Variants in CHD1 observed in about 807,000 individuals in gnomAD.
CHD1 encodes chromodomain helicase DNA binding protein 1, also known as ATP-dependent chromatin remodeler CHD1.
CHD1 carries 36 observed loss-of-function variants against 224.2 expected under a neutral mutation model. That is an observed-to-expected ratio of 0.16 (90% CI 0.12 to 0.21). The LOEUF (loss-of-function observed/expected upper bound fraction) is 0.21. Ranked by LOEUF, CHD1 falls within the 10% of genes least tolerant of loss-of-function variation. CHD1 has a pLI of 1.00. For missense variants in CHD1, 1,378 were observed against 1,994.8 expected (o/e 0.69, Z 5.89); for synonymous variants, 668 against 658.3 (o/e 1.01, Z -0.23).
At chr5:98,917,793 C>T (rs926217301) in intron 2 of CHD1, among the ~76,000 whole-genome samples, 3 of 152,146 alleles carry the variant, frequency 2.0e-5, no homozygotes, top group African/African-American at 7.2e-5. Context: ...ACCAAAGAAA[C>T]TTCTGAGTGC....
chr5:98,923,356 GCAAT>G (rs1291852809), intron 2 of CHD1, among the ~76,000 whole-genome samples: 1 of 151,800 alleles, frequency 6.6e-6, no homozygotes, highest in East Asian at 1.9e-4. Flanking sequence ...AATATGCTTT[GCAAT>G]TATTTAAGAT....
intron 1 of CHD1, among the ~76,000 whole-genome samples, 190 bp downstream of exon 1, chr5:98,928,349 C>G (rs1011707912): frequency 2.0e-5 from 3 of 152,090 alleles, no homozygotes; most frequent in African/African-American, 7.2e-5. Flanking sequence ...TCTGCGGCCC[C>G]GGCCTGTACT....
chr5:98,868,031 C>T lies in CHD1; in HGVS notation c.4248+464G>A, dbSNP rs997614300. Among the ~76,000 whole-genome samples the T allele has an allele frequency of 7.2e-5, 11 of 151,962 alleles. No individual in the cohort carries two copies. In the East Asian group the frequency reaches 2.1e-3, roughly 29 times the overall value. ...GGCCAGGTTGATCTCAAACTCCTAA[C>T]CTCAGGTGATCCACTGCCTCGGCCT... is the stretch of plus-strand genomic sequence containing the variant. On this transcript the variant is annotated intron_variant, in intron 31 of 35. Transcript: ENST00000614616.
At chr5:98,927,491 A>G (rs780349481) in intron 1 of CHD1, among the ~76,000 whole-genome samples, 3 of 152,210 alleles carry the variant, frequency 2.0e-5, no homozygotes, top group Non-Finnish European at 2.9e-5. Flanking sequence ...GGAGGGAAAC[A>G]GATTGTTACC....
chr5:98,869,840 C>T lies in CHD1; in HGVS notation c.4021G>A (p.Ala1341Thr). The T allele has an allele frequency of 6.2e-7, 1 of 1,608,358 alleles. No homozygotes were observed. The highest frequency in any genetic ancestry group is 1.7e-5 in the Admixed American group (1 of 59,944). The change falls in exon 30 of 36, where the codon GCA (alanine) becomes ACA (threonine). Residue 1341 changes from alanine to threonine, a missense_variant. Transcript: ENST00000614616. Reference protein sequence around the residue: ...RRKARAKKNKAMKSIKVKEEI... With the variant: ...RRKARAKKNKTMKSIKVKEEI... Reference sequence around the variant, plus strand: ...TCTTTCACTTTTATAGACTTCATTGCTTTATTCTTCTTAGCTCTTGCTTTT... The same window carrying T: ...TCTTTCACTTTTATAGACTTCATTGTTTTATTCTTCTTAGCTCTTGCTTTT...
chr5:98,899,781 AAT>A, intron 7 of CHD1, 76 bp from the exon 8 acceptor site: 1 of 981,988 alleles, frequency 1.0e-6, no homozygotes, highest in South Asian at 1.5e-5. Flanking sequence ...AAATTTCAAT[AAT>A]ATGAGTACAA....
chr5:98,871,267 A>G (rs1025277875), intron 28 of CHD1, among the ~76,000 whole-genome samples: 1 of 149,188 alleles, frequency 6.7e-6, no homozygotes, highest in African/African-American at 2.5e-5. Flanking sequence ...AGACTACTTA[A>G]TTTTTTCTTC....
rs1335599874 is a variant in CHD1, at chr5:98,881,130, A to G, written c.3006T>C (p.His1002=). ...IDEILKRAET[H]ENEPGPLTVG... is the part of the protein sequence containing the mutation. ...CAGTTAAAGGACCTGGTTCATTTTC[A>G]TGAGTTTCAGCTCTCTTCAAGATTT... The change falls in exon 22 of 36, where the codon CAT becomes CAC. Residue 1002 remains histidine (H), a synonymous_variant. Coordinates refer to ENST00000614616, the MANE Select transcript of CHD1 (RefSeq NM_001270.4). The G allele has an allele frequency of 1.2e-6, 2 of 1,611,244 alleles. No individual in the cohort carries two copies. Among genetic ancestry groups the G allele is most frequent in the African/African-American group, 2.7e-5 (2 of 74,834 alleles).
At chr5:98,924,172 G>A (rs1753293989) in intron 2 of CHD1, among the ~76,000 whole-genome samples, 1 of 152,102 alleles carries the variant, frequency 6.6e-6, no homozygotes, top group Non-Finnish European at 1.5e-5. Context: ...TTGAGCCCAG[G>A]AGGTGGAGGC....
At chr5:98,919,930 C>G (rs1281902559) in intron 2 of CHD1, among the ~76,000 whole-genome samples, 1 of 152,068 alleles carries the variant, frequency 6.6e-6, no homozygotes, top group Non-Finnish European at 1.5e-5. Context: ...AAAATGGAAC[C>G]AAGGCTCCTT....
chr5:98,869,992 T>TATTGGTAATAAGG, intron 29 of CHD1, 110 bp from the exon 30 acceptor site: 1 of 742,748 alleles, frequency 1.3e-6, no homozygotes, highest in Non-Finnish European at 2.2e-6. Context: ...ATCCTTAGTC[T>TATTGGTAATAAGG]ATTGGTAATA....
rs1172382887 is a variant in CHD1, at chr5:98,928,563, A to C, written c.-173T>G. On this transcript the variant is annotated 5_prime_UTR_variant, in exon 1 of 36. Coordinates refer to ENST00000614616, the MANE Select transcript of CHD1 (RefSeq NM_001270.4). ...CCGGCGGGCTTGGCGGGGCGGAGGGAGCCGACTCGGGTGGACGGCCTCCCC... is the reference window on the plus strand; with the variant it reads ...CCGGCGGGCTTGGCGGGGCGGAGGGCGCCGACTCGGGTGGACGGCCTCCCC... The C allele has an allele frequency of 1.3e-5, 2 of 150,622 alleles. No individual in the cohort carries two copies. Among genetic ancestry groups the C allele is most frequent in the African/African-American group, 4.9e-5 (2 of 40,792 alleles). 9.3% of individuals were successfully genotyped at this position (150,622 alleles called of 1,614,324 possible).
chr5:98,900,590 C>T (rs1290088045), intron 7 of CHD1, among the ~76,000 whole-genome samples: 1 of 151,844 alleles, frequency 6.6e-6, no homozygotes, highest in Non-Finnish European at 1.5e-5. Flanking sequence ...CAGGTGCGCA[C>T]CACCTCACCT....
At chr5:98,904,719 T>C (rs760462602) in intron 3 of CHD1, among the ~76,000 whole-genome samples, 178 bp downstream of exon 3, 1 of 152,234 alleles carries the variant, frequency 6.6e-6, no homozygotes, top group Non-Finnish European at 1.5e-5. Flanking sequence ...AATGCATCTA[T>C]TCCAAGCCAA....
chr5:98,868,854 G>C, intron 30 of CHD1: 3 of 565,180 alleles, frequency 5.3e-6, no homozygotes, highest in Non-Finnish European at 8.2e-6. Flanking sequence ...AAGCATTAAA[G>C]AGTGTTCAGA....
intron 13 of CHD1, 28 bp downstream of exon 13, chr5:98,894,569 C>T (rs1458354761): frequency 2.2e-6 from 2 of 928,502 alleles, no homozygotes; most frequent in Non-Finnish European, 3.2e-6. Flanking sequence ...ATACAAGAGA[C>T]CAAAACACGT....
intron 2 of CHD1, among the ~76,000 whole-genome samples, chr5:98,906,986 T>C (rs984823249): frequency 6.6e-6 from 1 of 152,220 alleles, no homozygotes; most frequent in African/African-American, 2.4e-5. Context: ...AATAAATATG[T>C]GAACAGTAGA....
rs143873457 is a variant in CHD1, at chr5:98,915,478, A to G, written c.54-10380T>C. Among the ~76,000 whole-genome samples, 228 of 152,354 alleles carry G rather than the reference A, an allele frequency of 1.5e-3. 2 individuals are homozygous for G. The highest frequency in any genetic ancestry group is 6.8e-3 in the Middle Eastern group (2 of 294). On this transcript the variant is annotated intron_variant, in intron 2 of 35. Transcript: ENST00000614616. Reference sequence around the variant, plus strand: ...TTGTGTTGAACCCAGGATAAACTCAAAAGTAAATATTTTCTAGTAAGCAGA... The same window carrying G: ...TTGTGTTGAACCCAGGATAAACTCAGAAGTAAATATTTTCTAGTAAGCAGA...
At chr5:98,868,779 G>GT (rs929667824) in intron 30 of CHD1, 144 bp from the exon 31 acceptor site, 11 of 835,620 alleles carry the variant, frequency 1.3e-5, no homozygotes, top group Admixed American at 3.4e-5. Context: ...ATTTTAATTT[G>GT]TTTTTTTCCC....
Sources: allele counts gnomAD v4.1 joint callset (sites outside exome capture counted in the v4.1 genomes callset), GRCh38; gene constraint gnomAD v4.1.1; transcripts MANE v1.5; gene names NCBI Gene and HGNC (gene_info 2026-07-23, HGNC 2026-07-21).